Variants in ANK2 observed in about 807,000 individuals in gnomAD.
ANK2 encodes ankyrin-2.
In ANK2, 83 loss-of-function variants were observed where a neutral mutation model predicts 360.5. The observed-to-expected ratio is 0.23, with a 90% confidence interval of 0.19 to 0.28. The LOEUF (loss-of-function observed/expected upper bound fraction) is 0.28. Among genes scored for constraint, ANK2 ranks in the 10% least tolerant of loss-of-function variants. The pLI, the probability that ANK2 is intolerant of heterozygous loss-of-function variation, is 1.00. For synonymous variants in ANK2, 1,740 were observed against 1,759.5 expected (o/e 0.99, Z 0.28); for missense variants, 4,201 against 4,795.7 (o/e 0.88, Z 3.66).
intron 10 of ANK2, among the ~76,000 whole-genome samples, chr4:113,254,431 A>T (rs981570650): frequency 1.3e-5 from 2 of 152,206 alleles, no homozygotes; most frequent in Non-Finnish European, 2.9e-5. Flanking sequence ...ATAACCTTCA[A>T]ATAGGTAAAA....
At chr4:112,826,144 G>A (rs926360801) in intron 1 of ANK2, among the ~76,000 whole-genome samples, 5 of 152,060 alleles carry the variant, frequency 3.3e-5, no homozygotes, top group East Asian at 1.9e-4. Context: ...CTAATACTTC[G>A]TTTATTTAGG....
intron 45 of ANK2, chr4:113,377,966 A>G (rs759757682): frequency 3.1e-5 from 9 of 288,044 alleles, no homozygotes; most frequent in Non-Finnish European, 5.6e-5. Flanking sequence ...GCTTCTAGGA[A>G]TTGTATTTAT....
chr4:113,375,642 G>A (rs958950624), intron 45 of ANK2, among the ~76,000 whole-genome samples: 2 of 151,698 alleles, frequency 1.3e-5, no homozygotes, highest in African/African-American at 2.4e-5. Context: ...GGAGAATGGT[G>A]TGAACCTGGG....
At chr4:113,057,500 G>T (rs2154331244) in intron 1 of ANK2, among the ~76,000 whole-genome samples, 1 of 152,246 alleles carries the variant, frequency 6.6e-6, no homozygotes, top group Non-Finnish European at 1.5e-5. Context: ...ATTGTGAGTG[G>T]ACTCTGACAT....
At position 113,345,243 on chromosome 4, in the gene ANK2, C is replaced by A. The variant is rs553812029; in HGVS notation, c.4249-657C>A. On this transcript the variant is annotated intron_variant, in intron 34 of 45. Coordinates refer to ENST00000357077, the MANE Select transcript of ANK2 (RefSeq NM_001148.6). ...TCTACATGTTCCTAGAATAGGCAAA[C>A]GTATAGAGACAGAAAGTAGAATAGA... Among the ~76,000 whole-genome samples, 5 of 152,120 alleles carry A rather than the reference C, an allele frequency of 3.3e-5. No individual in the cohort carries two copies. The South Asian group carries it at 8.3e-4, about 25-fold the overall frequency.
At chr4:113,324,202 TTTG>T (rs1008492040) in intron 26 of ANK2, among the ~76,000 whole-genome samples, 2 of 152,196 alleles carry the variant, frequency 1.3e-5, no homozygotes, top group African/African-American at 4.8e-5. Flanking sequence ...CAGAGAGTTT[TTTG>T]TTGTTCTGGG....
chr4:113,065,497 A>G (rs907512857), intron 1 of ANK2, among the ~76,000 whole-genome samples: 9 of 152,204 alleles, frequency 5.9e-5, no homozygotes, highest in African/African-American at 2.2e-4. Flanking sequence ...CTTATTCCAT[A>G]TAAGGAAATG....
At chr4:113,080,967 G>T (rs2082181201) in intron 1 of ANK2, among the ~76,000 whole-genome samples, 1 of 152,086 alleles carries the variant, frequency 6.6e-6, no homozygotes, top group Non-Finnish European at 1.5e-5. Flanking sequence ...AGTCACAAGT[G>T]CATTGAGACT....
intron 1 of ANK2, among the ~76,000 whole-genome samples, chr4:113,122,096 T>A (rs906255066): frequency 6.6e-6 from 1 of 152,128 alleles, no homozygotes; most frequent in Non-Finnish European, 1.5e-5. Flanking sequence ...TGAAAGTGAA[T>A]TGTGTTATAA....
At chr4:113,118,478 C>T (rs1243522762) in intron 1 of ANK2, among the ~76,000 whole-genome samples, 7 of 152,220 alleles carry the variant, frequency 4.6e-5, no homozygotes, top group Admixed American at 3.9e-4. Flanking sequence ...TTTGGAAAGA[C>T]ACTTGAGAAC....
intron 1 of ANK2, among the ~76,000 whole-genome samples, chr4:112,897,280 C>T (rs147083412): frequency 2.6e-5 from 4 of 152,226 alleles, no homozygotes; most frequent in African/African-American, 9.6e-5. Flanking sequence ...GTTCTTTGAC[C>T]CAGTCTGCCA....
intron 1 of ANK2, among the ~76,000 whole-genome samples, chr4:112,828,697 A>G (rs755824621): frequency 2.6e-5 from 4 of 152,262 alleles, no homozygotes; most frequent in Non-Finnish European, 4.4e-5. Context: ...TAAAGTAAAT[A>G]ACCTTTGCAC....
chr4:112,886,251 G>A (rs1416297240), intron 1 of ANK2, among the ~76,000 whole-genome samples: 1 of 152,168 alleles, frequency 6.6e-6, no homozygotes, highest in Non-Finnish European at 1.5e-5. Context: ...ACTGTGCTGG[G>A]AGATGTTCAA....
chr4:112,940,604 G>A (rs797011742), intron 2 of ANK2, among the ~76,000 whole-genome samples: 3 of 151,914 alleles, frequency 2.0e-5, no homozygotes, highest in African/African-American at 7.2e-5. Flanking sequence ...TAGAAAATTA[G>A]AGTAGCCATC....
intron 1 of ANK2, among the ~76,000 whole-genome samples, chr4:112,858,485 A>G (rs1344283600): frequency 6.6e-6 from 1 of 152,196 alleles, no homozygotes; most frequent in African/African-American, 2.4e-5. Flanking sequence ...GTGAGAGAAG[A>G]GAAATTTGAA....
chr4:113,369,706 G>C lies in ANK2; in HGVS notation c.11511G>C (p.Glu3837Asp), dbSNP rs1305596790. The change falls in exon 43 of 46, where the codon GAG (glutamate) becomes GAC (aspartate). Residue 3837 changes from glutamate (E) to aspartate (D), a missense_variant. By Grantham distance (45) the Glu-to-Asp change is conservative. Around this residue, in one of 4 missense-constraint regions of ANK2, gnomAD observed 2,642 missense variants for 2,714.5 expected, o/e 0.97. Transcript: ENST00000357077. ...QEPEEPSEHR[E>D]ESSPRKTSLV... Reference sequence around the variant, plus strand: ...CCGAAGAGCCCTCAGAGCACAGAGAGGAGAGCTCTCCGCGGAAAACCAGCC... The same window carrying C: ...CCGAAGAGCCCTCAGAGCACAGAGACGAGAGCTCTCCGCGGAAAACCAGCC... 5.0e-6 allele frequency: 8 copies of C among 1,614,120 alleles called. 1 individual carries two copies. In the South Asian group the frequency reaches 8.8e-5, roughly 18 times the overall value.
intron 1 of ANK2, among the ~76,000 whole-genome samples, chr4:113,112,573 G>T (rs2094409108): frequency 6.6e-6 from 1 of 152,150 alleles, no homozygotes; most frequent in African/African-American, 2.4e-5. Context: ...ATAAAGGGAG[G>T]TCTGTGGTGA....
chr4:113,082,850 C>A (rs2082959165), intron 1 of ANK2, among the ~76,000 whole-genome samples: 1 of 151,968 alleles, frequency 6.6e-6, no homozygotes, highest in Non-Finnish European at 1.5e-5. Context: ...TTTTATATTT[C>A]CTGAAAGGAA....
chr4:112,961,104 G>C (rs906634503), intron 2 of ANK2, among the ~76,000 whole-genome samples: 50 of 149,460 alleles, frequency 3.3e-4, no homozygotes, highest in African/African-American at 1.1e-3. Context: ...GAGACAAATA[G>C]GTTACAGACA....
Sources: allele counts gnomAD v4.1 joint callset (sites outside exome capture counted in the v4.1 genomes callset), GRCh38; gene constraint gnomAD v4.1.1; regional missense constraint gnomAD v4.1.1; transcripts MANE v1.5; gene names NCBI Gene and HGNC (gene_info 2026-07-23, HGNC 2026-07-21).